Variants in MRPL45 observed in about 807,000 individuals in gnomAD.
MRPL45 encodes large ribosomal subunit protein mL45.
MRPL45 carries 20 observed loss-of-function variants against 38.1 expected under a neutral mutation model. The ratio of observed to expected loss-of-function variants is 0.53; its 90% confidence interval spans 0.37 to 0.76. The LOEUF (loss-of-function observed/expected upper bound fraction) is 0.76, where lower values mean the gene tolerates loss of function less well. Ranked by LOEUF, MRPL45 falls within the 30% of genes least tolerant of loss-of-function variation. MRPL45 has a pLI of 0.00. For synonymous variants in MRPL45, 105 were observed against 128.8 expected (o/e 0.82, Z 1.25); for missense variants, 337 against 395.6 (o/e 0.85, Z 1.26).
At chr17:38,313,314 AT>A (rs1210564730) in intron 4 of MRPL45, among the ~76,000 whole-genome samples, 2 of 1,438 alleles carry the variant, frequency 1.4e-3, no homozygotes, top group African/African-American at 1.8e-3. Context: ...AAAAAAAAAT[AT>A]ATATATATAT....
In MRPL45 at chr17:38,313,297, T is replaced by TAA. The variant is rs879236168; in HGVS notation, c.462-5376_462-5375dup. 3.4e-3 allele frequency among the ~76,000 whole-genome samples: 63 copies of TAA among 18,516 alleles called. 9 individuals are homozygous for TAA. The highest frequency in any genetic ancestry group is 0.011 in the Middle Eastern group (1 of 88). The allele number at this position is 18,516 out of a possible 152,430, so 12.1% of individuals were successfully genotyped here. On this transcript the variant is annotated intron_variant, in intron 4 of 7. Coordinates refer to ENST00000613675, the MANE Select transcript of MRPL45 (RefSeq NM_032351.6). ...TGCGCCTAGCCACTTTCCTTTCTAT[T>TAA]AAAAAAAAAAAAAAATATATATATA...
chr17:38,322,425 TG>T, intron 7 of MRPL45, 83 bp from the exon 8 acceptor site: 1 of 842,030 alleles, frequency 1.2e-6, no homozygotes, highest in Non-Finnish European at 1.7e-6. Context: ...GCCGGGTGGG[TG>T]GGTGGGTGGG....
At chr17:38,311,313 T>G (rs2037109299) in intron 4 of MRPL45, among the ~76,000 whole-genome samples, 1 of 152,122 alleles carries the variant, frequency 6.6e-6, no homozygotes, top group Non-Finnish European at 1.5e-5. Flanking sequence ...AAGGTGATGG[T>G]ATAGGCTGTG....
At chr17:38,306,718 T>G (rs1224683133) in intron 4 of MRPL45, 87 bp downstream of exon 4, 8 of 1,555,538 alleles carry the variant, frequency 5.1e-6, no homozygotes, top group Non-Finnish European at 7.0e-6. Context: ...TTGTTTTTGT[T>G]TTGCACAAAT....
intron 3 of MRPL45, among the ~76,000 whole-genome samples, chr17:38,300,825 A>C (rs2036987349): frequency 6.6e-6 from 1 of 152,162 alleles, no homozygotes; most frequent in African/African-American, 2.4e-5. Context: ...ACATGCCTGT[A>C]ATCCCAGCTA....
intron 4 of MRPL45, 21 bp downstream of exon 4, chr17:38,306,652 T>C (rs1396656645): frequency 2.5e-6 from 4 of 1,613,358 alleles, no homozygotes; most frequent in Non-Finnish European, 3.4e-6. Context: ...TCCCTATCTT[T>C]ACCCATTCTG....
intron 4 of MRPL45, among the ~76,000 whole-genome samples, 200 bp downstream of exon 4, chr17:38,306,831 A>T (rs2037060411): frequency 1.3e-5 from 2 of 152,142 alleles, no homozygotes; most frequent in South Asian, 4.1e-4. Context: ...TGCTTCTGGG[A>T]ATTTCTACCA....
At position 38,320,644 on chromosome 17, in the gene MRPL45, G is replaced by C; in HGVS notation, c.537G>C (p.Lys179Asn). Residue 179 changes from lysine to asparagine, a missense_variant, in exon 6 of 8, where the codon AAG becomes AAC. Coordinates refer to ENST00000613675, the MANE Select transcript of MRPL45 (RefSeq NM_032351.6). ...FPDMTWDIKYKTVRWSFVESL... is the reference protein window; with the variant it reads ...FPDMTWDIKYNTVRWSFVESL... ...ACATGACTTGGGACATCAAATATAAGACCGTCCGCTGGAGCTTTGTGGAAT... is the reference window on the plus strand; with the variant it reads ...ACATGACTTGGGACATCAAATATAACACCGTCCGCTGGAGCTTTGTGGAAT... 6.2e-7 allele frequency: 1 copy of C among 1,614,118 alleles called. No individual in the cohort carries two copies. Among genetic ancestry groups the C allele is most frequent in the South Asian group, 1.1e-5 (1 of 91,072 alleles).
chr17:38,310,114 T>A (rs2037095662), intron 4 of MRPL45, among the ~76,000 whole-genome samples: 2 of 142,522 alleles, frequency 1.4e-5, no homozygotes, highest in African/African-American at 5.1e-5. Context: ...TTTCTGTTTT[T>A]CGCTTTTAGA....
intron 5 of MRPL45, among the ~76,000 whole-genome samples, chr17:38,319,560 C>T (rs1227648836): frequency 6.6e-6 from 1 of 152,116 alleles, no homozygotes; most frequent in Non-Finnish European, 1.5e-5. Flanking sequence ...ATGACAATGT[C>T]TTGACACAGA....
At position 38,322,806 on chromosome 17, in the gene MRPL45, T is replaced by A; in HGVS notation, c.*211T>A. On this transcript the variant is annotated 3_prime_UTR_variant, in exon 8 of 8. Transcript: ENST00000613675. ...CATGGCCATGGACACTCTTCTTTTT[T>A]AAATTTTATGTCTAGCTTCTGAGTC... The A allele has an allele frequency of 1.9e-6, 1 of 535,358 alleles. No homozygotes were observed. Among genetic ancestry groups the A allele is most frequent in the South Asian group, 2.7e-5 (1 of 36,488 alleles). The allele number at this position is 535,358 out of a possible 1,614,324, so 33.2% of individuals were successfully genotyped here.
At chr17:38,318,206 C>CAAAAAAAA (rs1163303123) in intron 4 of MRPL45, among the ~76,000 whole-genome samples, 2 of 57,662 alleles carry the variant, frequency 3.5e-5, no homozygotes, top group African/African-American at 6.2e-5. Context: ...GACTCTGTCT[C>CAAAAAAAA]AAAAAAAAAA....
At chr17:38,311,206 C>T (rs1394751018) in intron 4 of MRPL45, among the ~76,000 whole-genome samples, 6 of 152,158 alleles carry the variant, frequency 3.9e-5, no homozygotes, top group Non-Finnish European at 2.9e-5. Context: ...CTGGTAACCT[C>T]CATTCTACTT....
At chr17:38,302,511 T>G (rs1282755630) in intron 3 of MRPL45, among the ~76,000 whole-genome samples, 11 of 97,078 alleles carry the variant, frequency 1.1e-4, no homozygotes, top group East Asian at 6.6e-4. Context: ...AAAAAGTTTG[T>G]TTTTTTTTTT....
rs1675148 is a variant in MRPL45, at chr17:38,298,888, G to T, written c.244+262G>T. Among the ~76,000 whole-genome samples, 250 of 152,106 alleles carry T rather than the reference G, an allele frequency of 1.6e-3. 2 individuals are homozygous for T. Among genetic ancestry groups the T allele is most frequent in the African/African-American group, 5.8e-3 (242 of 41,494 alleles). On this transcript the variant is annotated intron_variant, in intron 2 of 7. Transcript: ENST00000613675. ...CTGAGAGAAGACTTAAATCTTTCTG[G>T]CTTTTTTTGTTTTGTTTTGTTTTGT...
intron 7 of MRPL45, 81 bp downstream of exon 7, chr17:38,322,380 G>A: frequency 6.8e-7 from 1 of 1,460,210 alleles, no homozygotes. Flanking sequence ...CCACCTAGTG[G>A]CGAGAGGGGG....
intron 4 of MRPL45, among the ~76,000 whole-genome samples, chr17:38,318,206 C>CAAAAA (rs1163303123): frequency 3.5e-5 from 2 of 57,682 alleles, no homozygotes; most frequent in African/African-American, 6.2e-5. Context: ...GACTCTGTCT[C>CAAAAA]AAAAAAAAAA....
rs62076037 is a variant in MRPL45, at chr17:38,300,336, G to T, written c.362+868G>T. On this transcript the variant is annotated intron_variant, in intron 3 of 7. Coordinates refer to ENST00000613675, the MANE Select transcript of MRPL45 (RefSeq NM_032351.6). ...CAGCCGACCTGGCTAATTTTTAAAA[G>T]AAATTTTTGTAGAGACGGGTTATCA... Among the ~76,000 whole-genome samples, 404 of 152,064 alleles carry T rather than the reference G, an allele frequency of 2.7e-3. 2 individuals carry two copies. Among genetic ancestry groups the T allele is most frequent in the African/African-American group, 9.2e-3 (382 of 41,520 alleles).
chr17:38,298,939 C>T (rs1382472543), intron 2 of MRPL45, among the ~76,000 whole-genome samples: 3 of 151,624 alleles, frequency 2.0e-5, no homozygotes, highest in African/African-American at 7.3e-5. Context: ...CTCGTTCTGT[C>T]GCCCAGTGGC....
Sources: allele counts gnomAD v4.1 joint callset (sites outside exome capture counted in the v4.1 genomes callset), GRCh38; gene constraint gnomAD v4.1.1; transcripts MANE v1.5; gene names NCBI Gene and HGNC (gene_info 2026-07-23, HGNC 2026-07-21).